Variants in HMGCLL1 observed in about 807,000 individuals in gnomAD.
The protein encoded by HMGCLL1 is 3-hydroxymethyl-3-methylglutaryl-CoA lyase, cytoplasmic.
HMGCLL1 carries 36 observed loss-of-function variants against 39.1 expected under a neutral mutation model. The observed-to-expected ratio is 0.92, with a 90% CI of 0.71 to 1.22. HMGCLL1 has a LOEUF of 1.22. HMGCLL1 is among the 50% of genes most tolerant of loss of function. The probability of loss-of-function intolerance (pLI) is 0.00; values close to 1 mark genes in which losing one functional copy is unlikely to be tolerated. For missense variants in HMGCLL1, 451 were observed against 416.5 expected, an observed-to-expected ratio of 1.08 and a Z score of -0.72; for synonymous variants, 149 against 144.0, an observed-to-expected ratio of 1.03 and a Z score of -0.25.
the HMGCLL1 span, among the ~76,000 whole-genome samples, chr6:55,648,529 G>C: frequency 1.2e-5 from 1 of 81,470 alleles, no homozygotes; most frequent in Non-Finnish European, 2.4e-5. Context: ...AATGATAAAG[G>C]GGATATCACC....
At chr6:55,541,957 G>C in intron 2 of HMGCLL1, 103 bp downstream of exon 2, 1 of 965,050 alleles carries the variant, frequency 1.0e-6, no homozygotes, top group East Asian at 2.6e-5. Context: ...AGTAGCAATT[G>C]AGAAAAAATA....
At chr6:55,640,258 C>T in the HMGCLL1 span, among the ~76,000 whole-genome samples, 2 of 152,190 alleles carry the variant, frequency 1.3e-5, no homozygotes, top group South Asian at 4.1e-4. Context: ...CTTCTCAATA[C>T]ATACAAATAA....
chr6:55,653,880 C>A, the HMGCLL1 span, among the ~76,000 whole-genome samples: 1 of 150,860 alleles, frequency 6.6e-6, no homozygotes, highest in African/African-American at 2.4e-5. Flanking sequence ...TGTATTAACC[C>A]TCCCATTCCC....
At chr6:55,600,388 C>T in the HMGCLL1 span, among the ~76,000 whole-genome samples, 1 of 152,094 alleles carries the variant, frequency 6.6e-6, no homozygotes, top group Non-Finnish European at 1.5e-5. Flanking sequence ...AAGCAGGCAA[C>T]ATCACTTACC....
chr6:55,575,600 C>G (rs912940580), intron 1 of HMGCLL1, among the ~76,000 whole-genome samples: 11 of 152,074 alleles, frequency 7.2e-5, no homozygotes, highest in African/African-American at 2.2e-4. Flanking sequence ...GTTCTAACTA[C>G]AATCAAATTA....
In HMGCLL1 at chr6:55,482,237, C is replaced by T. The variant is rs936812979; in HGVS notation, c.795+13182G>A. On this transcript the variant is annotated intron_variant, in intron 7 of 8. Coordinates refer to ENST00000274901, the MANE Select transcript of HMGCLL1 (RefSeq NM_001042406.2). ...GAATTAACATGGTTTTAGGCATACC[C>T]TTAATCCTTAGGGAGTTCTGTGTCT... Among the ~76,000 whole-genome samples, 16 of 152,058 alleles carry T rather than the reference C, an allele frequency of 1.1e-4. No individual in the cohort carries two copies. The East Asian group carries it at 2.9e-3, about 28-fold the overall frequency.
chr6:55,489,287 C>A (rs1456492026), intron 7 of HMGCLL1, among the ~76,000 whole-genome samples: 1 of 151,852 alleles, frequency 6.6e-6, no homozygotes, highest in Non-Finnish European at 1.5e-5. Flanking sequence ...AAGAAGTATG[C>A]AACAAGTATT....
the HMGCLL1 span, among the ~76,000 whole-genome samples, chr6:55,641,542 G>A: frequency 6.6e-6 from 1 of 151,892 alleles, no homozygotes; most frequent in Admixed American, 6.6e-5. Context: ...GGAGAAATAA[G>A]TACAAGGATA....
the HMGCLL1 span, among the ~76,000 whole-genome samples, chr6:55,650,740 A>T: frequency 1.3e-5 from 2 of 151,984 alleles, no homozygotes; most frequent in African/African-American, 4.8e-5. Flanking sequence ...TTAAGCTGGC[A>T]CTCAAACCAC....
At chr6:55,553,013 C>T (rs903150850) in intron 1 of HMGCLL1, among the ~76,000 whole-genome samples, 4 of 151,610 alleles carry the variant, frequency 2.6e-5, no homozygotes, top group African/African-American at 2.4e-5. Flanking sequence ...CACTGTGGCA[C>T]GTGCCTGTAA....
the HMGCLL1 span, among the ~76,000 whole-genome samples, chr6:55,638,869 CAA>C: frequency 2.0e-5 from 3 of 151,906 alleles, no homozygotes; most frequent in Admixed American, 6.6e-5. Flanking sequence ...AGAATAAAGC[CAA>C]GAGTATAATA....
At chr6:55,615,596 T>G in the HMGCLL1 span, among the ~76,000 whole-genome samples, 1 of 152,192 alleles carries the variant, frequency 6.6e-6, no homozygotes, top group Non-Finnish European at 1.5e-5. Context: ...TTTAAATGTT[T>G]GATAAATAAA....
the HMGCLL1 span, among the ~76,000 whole-genome samples, chr6:55,666,051 G>A: frequency 2.0e-5 from 3 of 151,642 alleles, no homozygotes; most frequent in Admixed American, 2.0e-4. Flanking sequence ...GTAACAGAGA[G>A]AGGCAGAGGA....
the HMGCLL1 span, among the ~76,000 whole-genome samples, chr6:55,626,380 G>A: frequency 6.6e-6 from 1 of 152,058 alleles, no homozygotes; most frequent in Non-Finnish European, 1.5e-5. Context: ...TATGCTCATG[G>A]AATTCACTGA....
chr6:55,637,211 T>C, the HMGCLL1 span, among the ~76,000 whole-genome samples: 1 of 152,290 alleles, frequency 6.6e-6, no homozygotes, highest in Middle Eastern at 3.4e-3. Context: ...TTGAGATTCA[T>C]AAATCGGCAC....
At chr6:55,608,643 A>G in the HMGCLL1 span, among the ~76,000 whole-genome samples, 1 of 151,792 alleles carries the variant, frequency 6.6e-6, no homozygotes, top group Non-Finnish European at 1.5e-5. Context: ...ATGAAAATTA[A>G]GAAAAAAGAA....
At chr6:55,547,055 A>G (rs933130493) in intron 1 of HMGCLL1, among the ~76,000 whole-genome samples, 1 of 152,020 alleles carries the variant, frequency 6.6e-6, no homozygotes, top group Admixed American at 6.6e-5. Flanking sequence ...CTACTCTGTG[A>G]GGTAGGCAGA....
At chr6:55,447,188 A>T (rs958337573) in intron 7 of HMGCLL1, among the ~76,000 whole-genome samples, 1 of 151,882 alleles carries the variant, frequency 6.6e-6, no homozygotes, top group East Asian at 1.9e-4. Context: ...CTCAACCAAG[A>T]CTCTAAATAG....
chr6:55,627,951 C>CTATATATAGTATATATACTATATATATAT, the HMGCLL1 span, among the ~76,000 whole-genome samples: 1 of 4,572 alleles, frequency 2.2e-4, no homozygotes, highest in African/African-American at 1.2e-3. Flanking sequence ...AGTATATATA[C>CTATATATAGTATATATACTATATATATAT]TATATATATA....
Sources: allele counts gnomAD v4.1 joint callset (sites outside exome capture counted in the v4.1 genomes callset), GRCh38; gene constraint gnomAD v4.1.1; transcripts MANE v1.5; gene names NCBI Gene and HGNC (gene_info 2026-07-23, HGNC 2026-07-21).